FGFRL1: variants seen among roughly 807,000 people sequenced by gnomAD.
The protein encoded by FGFRL1 is fibroblast growth factor receptor-like 1.
In FGFRL1, 24 loss-of-function variants were observed where a neutral mutation model predicts 36.8. The observed-to-expected ratio is 0.65, with a 90% CI of 0.47 to 0.92. The LOEUF (loss-of-function observed/expected upper bound fraction) is 0.92, where lower values mean the gene tolerates loss of function less well. Ranked by LOEUF, FGFRL1 falls within the 40% of genes least tolerant of loss-of-function variation. FGFRL1 has a pLI of 0.00. For synonymous variants in FGFRL1, 422 were observed against 344.1 expected (o/e 1.23, Z -2.50); for missense variants, 785 against 753.4 (o/e 1.04, Z -0.49).
Position 1,025,320 on chromosome 4 carries a change from C to G in FGFRL1, c.1488C>G (p.Val496=). The stretch of plus-strand genomic sequence containing the variant: ...CACACTCACACGTGGAGGGCAAGGT[C>G]CACCAGCACATCCACTATCAGTGCT... ...SHTHSHVEGK[V]HQHIHYQC The change falls in exon 7 of 7, where the codon GTC becomes GTG. Residue 496 remains valine (V), a synonymous_variant. Coordinates refer to ENST00000510644, the MANE Select transcript of FGFRL1 (RefSeq NM_001004356.3). 6.4e-7 allele frequency: 1 copy of G among 1,558,622 alleles called. No homozygotes were observed. Among genetic ancestry groups the G allele is most frequent in the Non-Finnish European group, 8.7e-7 (1 of 1,150,990 alleles).
Position 1,025,689 on chromosome 4 carries a change from A to C in FGFRL1, c.*342A>C, listed in dbSNP as rs1716483648. Reference sequence around the variant, plus strand: ...AGAACATACAAGGACATGCTGCCTGAACATACACACGCACACCCATGCGCA... The same window carrying C: ...AGAACATACAAGGACATGCTGCCTGCACATACACACGCACACCCATGCGCA... On this transcript the variant is annotated 3_prime_UTR_variant, in exon 7 of 7. Transcript: ENST00000510644. 2.5e-6 allele frequency: 1 copy of C among 401,808 alleles called. No individual in the cohort carries two copies. Among genetic ancestry groups the C allele is most frequent in the Non-Finnish European group, 4.6e-6 (1 of 218,670 alleles). 24.9% of individuals were successfully genotyped at this position (401,808 alleles called of 1,614,324 possible).
At position 1,025,134 on chromosome 4, in the gene FGFRL1, G is replaced by C. The variant is rs145786390; in HGVS notation, c.1302G>C (p.Ser434=). ...RDRSGDKDLP[S]LAALSAGPGV... ...GCAGCGGAGACAAGGACCTTCCCTC[G>C]TTGGCCGCCCTCAGCGCTGGCCCTG... Residue 434 remains serine (S), a synonymous_variant, in exon 7 of 7, where the codon TCG becomes TCC. Transcript: ENST00000510644. The C allele has an allele frequency of 1.3e-4, 209 of 1,610,988 alleles. No homozygotes were observed. The highest frequency in any genetic ancestry group is 4.9e-4 in the Middle Eastern group (3 of 6,076).
rs993727255 is a variant in FGFRL1 at position 1,012,421 on chromosome 4, G to T, written c.-16-49G>T. ...CCCGCGGCCCGGGACCGGGGAGGGC[G>T]GTATCTCCCAGTTCCACGTGTTAGT... On this transcript the variant is annotated intron_variant, in intron 1 of 6. Transcript: ENST00000510644. 22 of 1,564,784 alleles carry T rather than the reference G, an allele frequency of 1.4e-5. No homozygotes were observed. In the African/African-American group the frequency reaches 2.5e-4, roughly 18 times the overall value.
intron 2 of FGFRL1, among the ~76,000 whole-genome samples, chr4:1,017,179 G>A (rs539797601): frequency 5.6e-4 from 86 of 152,240 alleles, no homozygotes; most frequent in African/African-American, 1.9e-3. Context: ...CCCCCACCCC[G>A]TGGCCAGGTC....
chr4:1,011,157 C>T (rs1199820330), upstream of FGFRL1: 1 of 152,224 alleles, frequency 6.6e-6, no homozygotes, highest in Non-Finnish European at 1.5e-5. Context: ...CCGCCCCCTT[C>T]TGAGCAACCA....
At chr4:1,012,943 C>T (rs1198348236) in intron 2 of FGFRL1, among the ~76,000 whole-genome samples, 1 of 152,232 alleles carries the variant, frequency 6.6e-6, no homozygotes, top group Non-Finnish European at 1.5e-5. Flanking sequence ...GATAAGGACT[C>T]TGGGAACCTG....
intron 5 of FGFRL1, 27 bp from the exon 6 acceptor site, chr4:1,024,284 C>G (rs1327012437): frequency 2.6e-6 from 4 of 1,561,370 alleles, no homozygotes; most frequent in Non-Finnish European, 3.5e-6. Flanking sequence ...GGCCCAGGAG[C>G]CATGCCCGCG....
intron 2 of FGFRL1, among the ~76,000 whole-genome samples, chr4:1,013,878 C>T (rs1715743689): frequency 6.6e-6 from 1 of 152,286 alleles, no homozygotes; most frequent in Non-Finnish European, 1.5e-5. Context: ...TCGTCCTCCT[C>T]AGCTGCGGCC....
At chr4:1,019,354 G>A (rs1454269235) in intron 2 of FGFRL1, among the ~76,000 whole-genome samples, 1 of 152,230 alleles carries the variant, frequency 6.6e-6, no homozygotes, top group Non-Finnish European at 1.5e-5. Context: ...CCATGAACAT[G>A]CACGTGTGAG....
chr4:1,023,402 G>C lies in FGFRL1; in HGVS notation c.353-239G>C. ...CTGCAGACCCCCCGGAGCCAGAATG[G>C]GGGCCGGCCCTCCAGCCCCACCCGT... On this transcript the variant is annotated intron_variant, in intron 3 of 6. Coordinates refer to ENST00000510644, the MANE Select transcript of FGFRL1 (RefSeq NM_001004356.3). The surrounding 1 kb of genome is among the most constrained non-coding windows in gnomAD (Gnocchi z 6.0). Among the ~76,000 whole-genome samples the C allele has an allele frequency of 6.6e-6, 1 of 152,178 alleles. No individual in the cohort carries two copies. Among genetic ancestry groups the C allele is most frequent in the Non-Finnish European group, 1.5e-5 (1 of 67,996 alleles).
Position 1,023,717 on chromosome 4 carries a change from G to C in FGFRL1, c.429G>C (p.Gln143His). ...GTCAAGAGGACCCCGCCAGCCAGCAGTGGGGTGAGCAGGGGGTGACGGGGG... is the reference window on the plus strand; with the variant it reads ...GTCAAGAGGACCCCGCCAGCCAGCACTGGGGTGAGCAGGGGGTGACGGGGG... ...SGGQEDPASQ[Q>H]WARPRFTQPS... Residue 143 changes from glutamine to histidine, a missense_variant, in exon 4 of 7, where the codon CAG becomes CAC. Physicochemically the swap from Gln to His is conservative, Grantham distance 24. Transcript: ENST00000510644. The surrounding 1 kb of genome is among the most constrained non-coding windows in gnomAD (Gnocchi z 6.0). 6.3e-7 allele frequency: 1 copy of C among 1,583,208 alleles called. No homozygotes were observed. The highest frequency in any genetic ancestry group is 8.6e-7 in the Non-Finnish European group (1 of 1,166,552).
intron 2 of FGFRL1, among the ~76,000 whole-genome samples, chr4:1,015,676 C>T (rs779602837): frequency 1.3e-5 from 2 of 152,218 alleles, no homozygotes; most frequent in African/African-American, 2.4e-5. Context: ...GAGGGGTGAA[C>T]ATTGGCTGAG....
intron 1 of FGFRL1, 153 bp from the exon 2 acceptor site, chr4:1,012,317 A>C: frequency 4.1e-6 from 3 of 738,254 alleles, no homozygotes; most frequent in Non-Finnish European, 6.3e-6. Flanking sequence ...TGATACCCAC[A>C]GCTTCTCCCC....
chr4:1,023,736 A>T lies in FGFRL1; in HGVS notation c.433+15A>T, dbSNP rs1384769224. 2.1e-6 allele frequency: 3 copies of T among 1,433,028 alleles called. No individual in the cohort carries two copies. The highest frequency in any genetic ancestry group is 3.9e-5 in the Admixed American group (2 of 51,472). The allele number at this position is 1,433,028 out of a possible 1,614,324, so 88.8% of individuals were successfully genotyped here. ...CCAGCAGTGGGGTGAGCAGGGGGTG[A>T]CGGGGGTGGGGGGCGTCCGTCTGTC... On this transcript the variant is annotated intron_variant, in intron 4 of 6. Coordinates refer to ENST00000510644, the MANE Select transcript of FGFRL1 (RefSeq NM_001004356.3). This position sits in a 1 kb window ranked among gnomAD's most constrained non-coding sequence, Gnocchi z 6.0.
intron 2 of FGFRL1, among the ~76,000 whole-genome samples, chr4:1,014,158 C>T (rs966908393): frequency 5.9e-5 from 9 of 152,194 alleles, no homozygotes; most frequent in Non-Finnish European, 1.0e-4. Flanking sequence ...TTTGAAAAGC[C>T]ATTTCCCGCT....
chr4:1,019,729 TAGGGAAGGAGGG>T (rs1716074299), intron 2 of FGFRL1, among the ~76,000 whole-genome samples: 3 of 151,150 alleles, frequency 2.0e-5, no homozygotes, highest in Admixed American at 2.0e-4. Context: ...GCAGGGAGGG[TAGGGAAGGAGGG>T]GCTTCAGGGC....
chr4:1,017,004 G>C (rs1180599820), intron 2 of FGFRL1, among the ~76,000 whole-genome samples: 1 of 152,134 alleles, frequency 6.6e-6, no homozygotes, highest in African/African-American at 2.4e-5. Context: ...CGGTAACCGG[G>C]TGGGGGGACC....
At chr4:1,022,502 A>G in intron 3 of FGFRL1, 27 bp downstream of exon 3, 1 of 1,564,128 alleles carries the variant, frequency 6.4e-7, no homozygotes, top group Non-Finnish European at 8.7e-7. Context: ...GTCAGAGGTC[A>G]TGGGCTGGGT....
Position 1,026,674 on chromosome 4 carries a change from T to C in FGFRL1, c.*1327T>C, listed in dbSNP as rs1716556481. On this transcript the variant is annotated 3_prime_UTR_variant, in exon 7 of 7. Coordinates refer to ENST00000510644, the MANE Select transcript of FGFRL1 (RefSeq NM_001004356.3). The stretch of plus-strand genomic sequence containing the variant: ...TAAGAAATGAAGATAATATTAATAA[T>C]GATGGAAGGAAGACTGGGTTGCAGG... 6.4e-6 allele frequency: 2 copies of C among 314,930 alleles called. No individual in the cohort carries two copies. Among genetic ancestry groups the C allele is most frequent in the Admixed American group, 4.6e-5 (1 of 21,854 alleles). 19.5% of individuals were successfully genotyped at this position (314,930 alleles called of 1,614,324 possible).
Sources: allele counts gnomAD v4.1 joint callset (sites outside exome capture counted in the v4.1 genomes callset), GRCh38; gene constraint gnomAD v4.1.1; non-coding constraint Gnocchi (gnomAD v3.1); transcripts MANE v1.5; gene names NCBI Gene and HGNC (gene_info 2026-07-23, HGNC 2026-07-21).